Variants in AHNAK observed in about 807,000 individuals in gnomAD.
AHNAK encodes AHNAK nucleoprotein.
Under a neutral mutation model 37.8 loss-of-function variants are expected in AHNAK, and 23 were observed. That is an observed-to-expected ratio of 0.61 (90% confidence interval 0.44 to 0.86). The LOEUF (loss-of-function observed/expected upper bound fraction) is 0.86, where lower values mean the gene tolerates loss of function less well. AHNAK is among the 40% of genes least tolerant of loss of function. AHNAK has a pLI of 0.00. For synonymous variants in AHNAK, 2,481 were observed against 2,636.3 expected, an observed-to-expected ratio of 0.94 and a Z score of 1.80; for missense variants, 7,411 against 7,319.4, an observed-to-expected ratio of 1.01 and a Z score of -0.46.
Position 62,520,800 on chromosome 11 carries a change from A to T in AHNAK, c.13617T>A (p.Ile4539=). The part of the protein sequence containing the change: ...KGPKIKGDMD[I]SVPKLEGDLK... Reference sequence around the variant, plus strand: ...GATCTCCCTCCAGTTTAGGAACGGAAATGTCCATATCTCCTTTTATCTTAG... The same window carrying T: ...GATCTCCCTCCAGTTTAGGAACGGATATGTCCATATCTCCTTTTATCTTAG... Residue 4539 remains isoleucine, a synonymous_variant, in exon 5 of 5, where the codon ATT becomes ATA. Coordinates refer to ENST00000378024, the MANE Select transcript of AHNAK (RefSeq NM_001620.3). 6.2e-7 allele frequency: 1 copy of T among 1,613,998 alleles called. No homozygotes were observed. The highest frequency in any genetic ancestry group is 8.5e-7 in the Non-Finnish European group (1 of 1,179,996).
intron 5 of AHNAK, among the ~76,000 whole-genome samples, chr11:62,465,637 A>T (rs568988903): frequency 1.8e-4 from 28 of 151,940 alleles, no homozygotes; most frequent in Admixed American, 1.1e-3. Flanking sequence ...AATAAATAAA[A>T]ATTAAAATTA....
At chr11:62,433,618 C>T in exon 6 of AHNAK, 1 of 552,552 alleles carries the variant, frequency 1.8e-6, no homozygotes, top group South Asian at 2.4e-5. Flanking sequence ...AAAGCCCCCT[C>T]TAGTCCCAAA....
At chr11:62,513,855 A>C (rs1244559123), downstream of AHNAK, among the ~76,000 whole-genome samples, 1 of 152,132 alleles carries the variant, frequency 6.6e-6, no homozygotes, top group Non-Finnish European at 1.5e-5. Context: ...TGTCCCACCC[A>C]ATGAGATCAC....
intron 5 of AHNAK, among the ~76,000 whole-genome samples, chr11:62,460,856 C>G (rs1167598570): frequency 1.3e-5 from 2 of 152,166 alleles, no homozygotes; most frequent in South Asian, 4.1e-4. Flanking sequence ...GAGTCTCGCT[C>G]TGTCACCCAG....
In AHNAK at chr11:62,524,476, G is replaced by A. The variant is rs1289686325; in HGVS notation, c.9941C>T (p.Ser3314Phe). Residue 3314 changes from serine (S) to phenylalanine (F), a missense_variant, in exon 5 of 5, where the codon TCT becomes TTT. By Grantham distance (155) the Ser-to-Phe change is radical. Transcript: ENST00000378024. ...GSKLKGDVDV[S>F]GPKLEGDIKA... ...AATGTCACCTTCCAACTTGGGCCCA[G>A]AGACATCAACATCTCCCTTAAGCTT... 1.2e-6 allele frequency: 2 copies of A among 1,614,096 alleles called. No individual in the cohort carries two copies. The highest frequency in any genetic ancestry group is 1.7e-6 in the Non-Finnish European group (2 of 1,180,006).
At chr11:62,498,955 G>C (rs891598177) in intron 4 of AHNAK, among the ~76,000 whole-genome samples, 4 of 152,154 alleles carry the variant, frequency 2.6e-5, no homozygotes, top group Admixed American at 2.0e-4. Context: ...TCTACTGTGG[G>C]CCAGGCACTG....
chr11:62,522,513 C>T lies in AHNAK; in HGVS notation c.11904G>A (p.Val3968=). 1 of 1,613,780 alleles carries T rather than the reference C, an allele frequency of 6.2e-7. No homozygotes were observed. The highest frequency in any genetic ancestry group is 8.5e-7 in the Non-Finnish European group (1 of 1,179,980). Residue 3968 remains valine (V), a synonymous_variant, in exon 5 of 5, where the codon GTG becomes GTA. Coordinates refer to ENST00000378024, the MANE Select transcript of AHNAK (RefSeq NM_001620.3). ...KADLDVSGPK[V]DVDVPDVNIE... ...TATTCACATCTGGAACATCAACGTCCACCTTGGGTCCTGAGACGTCAAGGT... is the reference window on the plus strand; with the variant it reads ...TATTCACATCTGGAACATCAACGTCTACCTTGGGTCCTGAGACGTCAAGGT...
At chr11:62,493,139 A>C (rs145213080) in intron 4 of AHNAK, among the ~76,000 whole-genome samples, 6,863 of 150,630 alleles carry the variant, frequency 0.046, 206 homozygotes, top group Middle Eastern at 0.096. Context: ...CAGCCTCCCA[A>C]GTAGCTGGGA....
At chr11:62,501,187 G>C (rs1030185545) in intron 4 of AHNAK, among the ~76,000 whole-genome samples, 1 of 151,784 alleles carries the variant, frequency 6.6e-6, no homozygotes, top group African/African-American at 2.4e-5. Flanking sequence ...GGGGGTCAGA[G>C]TGAGACCCCA....
intron 4 of AHNAK, among the ~76,000 whole-genome samples, chr11:62,509,875 A>G (rs1939878184): frequency 6.6e-6 from 1 of 151,882 alleles, no homozygotes; most frequent in African/African-American, 2.4e-5. Flanking sequence ...CTAAGATCGC[A>G]CCACTACACT....
intron 5 of AHNAK, among the ~76,000 whole-genome samples, chr11:62,470,712 T>C (rs375459377): frequency 3.8e-4 from 58 of 152,138 alleles, no homozygotes; most frequent in South Asian, 2.1e-3. Flanking sequence ...AGTCCGACAG[T>C]GATCATCCCA....
rs778764748 is a variant in AHNAK at position 62,517,207 on chromosome 11, G to C, written c.17210C>G (p.Ser5737Cys). ...GVTGSPEASI[S>C]GSKGDLKSSK... ...ACTTTTCAGGTCACCTTTGGACCCAGAAATTGATGCTTCTGGTGAGCCAGT... is the reference window on the plus strand; with the variant it reads ...ACTTTTCAGGTCACCTTTGGACCCACAAATTGATGCTTCTGGTGAGCCAGT... Residue 5737 changes from serine to cysteine, a missense_variant, in exon 5 of 5, where the codon TCT (serine) becomes TGT (cysteine). Coordinates refer to ENST00000378024, the MANE Select transcript of AHNAK (RefSeq NM_001620.3). 16 of 1,614,004 alleles carry C rather than the reference G, an allele frequency of 9.9e-6. No homozygotes were observed. Among genetic ancestry groups the C allele is most frequent in the Middle Eastern group, 1.6e-4 (1 of 6,084 alleles).
intron 1 of AHNAK, among the ~76,000 whole-genome samples, chr11:62,538,601 T>C (rs1314198947): frequency 6.6e-6 from 1 of 152,180 alleles, no homozygotes; most frequent in Non-Finnish European, 1.5e-5. Context: ...CCCAACACTA[T>C]ACTTTGCACT....
chr11:62,472,254 C>T (rs1027690767), intron 5 of AHNAK, among the ~76,000 whole-genome samples: 4 of 152,106 alleles, frequency 2.6e-5, no homozygotes, highest in African/African-American at 9.7e-5. Flanking sequence ...CACCCGACTC[C>T]TCTCACCCTC....
chr11:62,498,522 G>T (rs1939655337), intron 4 of AHNAK, among the ~76,000 whole-genome samples: 1 of 151,354 alleles, frequency 6.6e-6, no homozygotes, highest in Non-Finnish European at 1.5e-5. Context: ...GCTTTAGAAG[G>T]CCAAGGTGGG....
At position 62,519,883 on chromosome 11, in the gene AHNAK, T is replaced by G. The variant is rs1229807845; in HGVS notation, c.14534A>C (p.Lys4845Thr). 1 of 1,614,040 alleles carries G rather than the reference T, an allele frequency of 6.2e-7. No homozygotes were observed. The highest frequency in any genetic ancestry group is 8.5e-7 in the Non-Finnish European group (1 of 1,179,948). ...PKFKMPEINI[K>T]APKISIPDVD... ...ATCAGGTATGGAGATCTTGGGAGCT[T>G]TGATATTTATTTCAGGCATCTTGAA... Residue 4845 changes from lysine (K) to threonine (T), a missense_variant, in exon 5 of 5, where the codon AAA becomes ACA. Physicochemically the swap from Lys to Thr is moderately conservative, Grantham distance 78. Coordinates refer to ENST00000378024, the MANE Select transcript of AHNAK (RefSeq NM_001620.3).
chr11:62,529,152 C>CA lies in AHNAK; in HGVS notation c.5264dup (p.Leu1755PhefsTer4). 6.2e-7 allele frequency: 1 copy of CA among 1,613,854 alleles called. No homozygotes were observed. Among genetic ancestry groups the CA allele is most frequent in the Non-Finnish European group, 8.5e-7 (1 of 1,179,954 alleles). On this transcript the variant is annotated frameshift_variant, in exon 5 of 5. Transcript: ENST00000378024. LOFTEE classifies it low-confidence loss of function (END_TRUNC). ...ACTTTCCTTCTGGTCCCTCAATATC[C>CA]AAATCAGGAGCATCAGTGTCCACAC... is the stretch of plus-strand genomic sequence containing the variant.
Position 62,521,689 on chromosome 11 carries a change from G to A in AHNAK, c.12728C>T (p.Pro4243Leu), listed in dbSNP as rs1351027219. The change falls in exon 5 of 5, where the codon CCT (proline) becomes CTT (leucine). Residue 4243 changes from proline to leucine, a missense_variant. Pro to Leu is a moderately conservative substitution (Grantham distance 98, BLOSUM62 -3). Coordinates refer to ENST00000378024, the MANE Select transcript of AHNAK (RefSeq NM_001620.3). Reference protein sequence around the residue: ...IEGPDAKLKGPKFKMPEMNIK... With the variant: ...IEGPDAKLKGLKFKMPEMNIK... ...GTTCATCTCAGGCATCTTGAATTTA[G>A]GGCCCTTTAGTTTCGCATCTGGACC... The A allele has an allele frequency of 6.2e-7, 1 of 1,613,868 alleles. No homozygotes were observed. The highest frequency in any genetic ancestry group is 8.5e-7 in the Non-Finnish European group (1 of 1,180,000).
At position 62,535,987 on chromosome 11, in the gene AHNAK, T is replaced by C; in HGVS notation, c.112A>G (p.Thr38Ala). 4 of 1,612,882 alleles carry C rather than the reference T, an allele frequency of 2.5e-6. No individual in the cohort carries two copies. The highest frequency in any genetic ancestry group is 3.4e-6 in the Non-Finnish European group (4 of 1,179,570). The change falls in exon 3 of 5, where the codon ACG (threonine) becomes GCG (alanine). Residue 38 changes from threonine (T) to alanine (A), a missense_variant. Coordinates refer to ENST00000378024, the MANE Select transcript of AHNAK (RefSeq NM_001620.3). The part of the protein sequence containing the change: ...RDDGVFVQEV[T>A]QNSPAARTGV... Reference sequence around the variant, plus strand: ...GTGCGGGCCGCAGGGGAGTTCTGCGTCACCTCCTGCACAAAGACGCCGTCG... The same window carrying C: ...GTGCGGGCCGCAGGGGAGTTCTGCGCCACCTCCTGCACAAAGACGCCGTCG...
Sources: gnomAD v4.1 joint callset for allele counts (sites outside exome capture counted in the v4.1 genomes callset) on GRCh38, gnomAD v4.1.1 for gene constraint, MANE v1.5 for transcripts, NCBI Gene and HGNC (gene_info 2026-07-23, HGNC 2026-07-21) for gene names.